The following PTGR1 variants were observed in gnomAD, a reference collection of about 807,000 sequenced individuals.
PTGR1 encodes the protein prostaglandin reductase 1.
PTGR1 carries 23 observed loss-of-function variants against 37.7 expected under a neutral mutation model. The ratio of observed to expected loss-of-function variants is 0.61; its 90% CI spans 0.44 to 0.86. PTGR1 has a LOEUF of 0.86. PTGR1 is among the 40% of genes least tolerant of loss of function. The pLI is 0.00. For missense variants in PTGR1, 351 were observed against 394.3 expected, an observed-to-expected ratio of 0.89 and a Z score of 0.93; for synonymous variants, 134 against 140.0, an observed-to-expected ratio of 0.96 and a Z score of 0.30.
chr9:111,590,824 G>C (rs977244063), intron 4 of PTGR1, among the ~76,000 whole-genome samples: 2 of 152,062 alleles, frequency 1.3e-5, no homozygotes, highest in Non-Finnish European at 2.9e-5. Context: ...ACATGCTCCT[G>C]GAAGAATTAT....
chr9:111,573,096 CCTGT>C (rs1828899676), intron 8 of PTGR1, among the ~76,000 whole-genome samples: 1 of 152,134 alleles, frequency 6.6e-6, no homozygotes, highest in South Asian at 2.1e-4. Flanking sequence ...ATCTCAAAGT[CCTGT>C]CTGAGCAGCT....
intron 9 of PTGR1, among the ~76,000 whole-genome samples, chr9:111,564,877 A>G (rs1307360045): frequency 3.3e-5 from 5 of 151,970 alleles, no homozygotes; most frequent in Non-Finnish European, 7.4e-5. Flanking sequence ...TAATCCCAGC[A>G]CTTTGGGAGG....
At chr9:111,592,662 A>G in intron 4 of PTGR1, 2 of 365,488 alleles carry the variant, frequency 5.5e-6, no homozygotes, top group Non-Finnish European at 4.8e-6. Flanking sequence ...GCAATAAATC[A>G]TGACCTGGAC....
At chr9:111,559,200 T>C (rs1031668818), downstream of PTGR1, among the ~76,000 whole-genome samples, 1 of 152,078 alleles carries the variant, frequency 6.6e-6, no homozygotes, top group Non-Finnish European at 1.5e-5. Flanking sequence ...TCGCACGTGA[T>C]ACCCTCCTAC....
At chr9:111,587,323 C>T (rs1463641950) in intron 4 of PTGR1, among the ~76,000 whole-genome samples, 1 of 152,060 alleles carries the variant, frequency 6.6e-6, no homozygotes, top group Non-Finnish European at 1.5e-5. Context: ...CATATTTATT[C>T]TAGAAAATTT....
At chr9:111,578,312 C>T (rs73535466) in intron 7 of PTGR1, among the ~76,000 whole-genome samples, 2,520 of 147,062 alleles carry the variant, frequency 0.017, 74 homozygotes, top group African/African-American at 0.058. Flanking sequence ...GTTTATTGTG[C>T]ACTTTATTTC....
At chr9:111,577,103 AT>A (rs1829092834) in intron 7 of PTGR1, 1 of 152,136 alleles carries the variant, frequency 6.6e-6, no homozygotes, top group Non-Finnish European at 1.5e-5. Flanking sequence ...AAAAAAAAAA[AT>A]CTTACAACCT....
chr9:111,550,236 G>A (rs937319753), intron 9 of PTGR1, among the ~76,000 whole-genome samples: 8 of 152,152 alleles, frequency 5.3e-5, no homozygotes, highest in African/African-American at 1.9e-4. Flanking sequence ...TTTTTTGAAT[G>A]TCCAGAAAAA....
chr9:111,580,098 A>G (rs10817189), intron 6 of PTGR1, among the ~76,000 whole-genome samples: 55,724 of 151,922 alleles, frequency 0.37, 10,661 homozygotes, highest in African/African-American at 0.47. Context: ...ACTATAGACT[A>G]TCATAGGATG....
chr9:111,565,210 A>G (rs970080874), intron 9 of PTGR1, among the ~76,000 whole-genome samples: 12 of 152,202 alleles, frequency 7.9e-5, no homozygotes, highest in Non-Finnish European at 1.8e-4. Flanking sequence ...AGGTTAGGAC[A>G]TAGACACACA....
At chr9:111,593,237 C>G (rs1314800106) in intron 3 of PTGR1, among the ~76,000 whole-genome samples, 1 of 152,008 alleles carries the variant, frequency 6.6e-6, no homozygotes, top group Non-Finnish European at 1.5e-5. Context: ...TATGAGTGAA[C>G]ACAAAAGTCT....
intron 4 of PTGR1, 102 bp from the exon 5 acceptor site, chr9:111,586,267 G>A (rs1006652290): frequency 4.4e-6 from 5 of 1,147,046 alleles, no homozygotes. Flanking sequence ...GTGCACTGAG[G>A]TTGATATTCC....
chr9:111,566,882 T>C (rs923051545), intron 9 of PTGR1, among the ~76,000 whole-genome samples: 1 of 151,986 alleles, frequency 6.6e-6, no homozygotes, highest in African/African-American at 2.4e-5. Flanking sequence ...TGGATAAAAG[T>C]AGGATAGGAG....
chr9:111,576,214 A>T, intron 7 of PTGR1: 1 of 710,334 alleles, frequency 1.4e-6, no homozygotes, highest in Non-Finnish European at 2.3e-6. Context: ...GGTTAAAGGC[A>T]ATTCACTGAA....
At chr9:111,579,722 T>C (rs1055321776) in intron 6 of PTGR1, among the ~76,000 whole-genome samples, 3 of 152,116 alleles carry the variant, frequency 2.0e-5, no homozygotes, top group African/African-American at 7.2e-5. Flanking sequence ...CCTTCTAAAG[T>C]GCTCGGATTA....
chr9:111,587,608 C>G (rs7032190), intron 4 of PTGR1, among the ~76,000 whole-genome samples: 4 of 151,730 alleles, frequency 2.6e-5, no homozygotes, highest in African/African-American at 9.7e-5. Context: ...CGTGCCACTA[C>G]GCCCAGCTAA....
At chr9:111,576,205 GT>G (rs1358590332) in intron 7 of PTGR1, among the ~76,000 whole-genome samples, 1 of 151,846 alleles carries the variant, frequency 6.6e-6, no homozygotes, top group African/African-American at 2.4e-5. Context: ...CAGAAAGAAG[GT>G]TAAAGGCAAT....
chr9:111,585,832 T>C (rs567179237), intron 5 of PTGR1, among the ~76,000 whole-genome samples, 166 bp downstream of exon 5: 3 of 152,390 alleles, frequency 2.0e-5, no homozygotes, highest in South Asian at 2.1e-4. Context: ...CACCCATTGA[T>C]GGACACTTAG....
chr9:111,556,687 CTGT>C (rs1024845198), intron 9 of PTGR1, among the ~76,000 whole-genome samples: 1 of 152,210 alleles, frequency 6.6e-6, no homozygotes, highest in African/African-American at 2.4e-5. Flanking sequence ...GATTTCCCTC[CTGT>C]TGTTCTCATG....
Sources: allele counts gnomAD v4.1 joint callset (sites outside exome capture counted in the v4.1 genomes callset), GRCh38; gene constraint gnomAD v4.1.1; transcripts MANE v1.5; gene names NCBI Gene and HGNC (gene_info 2026-07-23, HGNC 2026-07-21).